PITPNC1: variants seen among roughly 807,000 people sequenced by gnomAD.
PITPNC1 encodes the protein phosphatidylinositol transfer protein cytoplasmic 1.
A neutral mutation model predicts 44.7 loss-of-function variants in PITPNC1; 18 were observed. That is an observed-to-expected ratio of 0.40 (90% confidence interval 0.28 to 0.60). The LOEUF (loss-of-function observed/expected upper bound fraction) is 0.60, where lower values mean the gene tolerates loss of function less well. Ranked by LOEUF, PITPNC1 falls within the 20% of genes least tolerant of loss-of-function variation. The pLI, the probability that PITPNC1 is intolerant of heterozygous loss-of-function variation, is 0.39. For synonymous variants in PITPNC1, 141 were observed against 149.6 expected (o/e 0.94, Z 0.42); for missense variants, 290 against 418.4 (o/e 0.69, Z 2.68).
intron 5 of PITPNC1, among the ~76,000 whole-genome samples, chr17:67,606,376 AC>A (rs2041608242): frequency 6.6e-6 from 1 of 152,094 alleles, no homozygotes; most frequent in African/African-American, 2.4e-5. Context: ...CCCTTTTTTT[AC>A]CCAGACCCAA....
Position 67,508,827 on chromosome 17 carries a change from A to G in PITPNC1, c.49-23975A>G, listed in dbSNP as rs148139762. 3.9e-4 allele frequency among the ~76,000 whole-genome samples: 60 copies of G among 152,340 alleles called. No homozygotes were observed. The highest frequency in any genetic ancestry group is 1.3e-3 in the African/African-American group (56 of 41,582). On this transcript the variant is annotated intron_variant, in intron 1 of 8. Coordinates refer to ENST00000581322, the MANE Select transcript of PITPNC1 (RefSeq NM_012417.4). The surrounding 1 kb of genome is among the most constrained non-coding windows in gnomAD (Gnocchi z 4.2). ...GTAGAGTTTCAGTTTGTGGTGACGG[A>G]ACGTTCTAGTGATGGCTGCACAACA...
chr17:67,444,955 AAC>A (rs1201563053), intron 1 of PITPNC1, among the ~76,000 whole-genome samples: 4 of 151,944 alleles, frequency 2.6e-5, no homozygotes, highest in Non-Finnish European at 4.4e-5. Flanking sequence ...AGGAGGGAGG[AAC>A]ACAGAGTGAT....
chr17:67,460,806 G>A (rs1257541422), intron 1 of PITPNC1, among the ~76,000 whole-genome samples: 1 of 142,782 alleles, frequency 7.0e-6, no homozygotes, highest in South Asian at 2.3e-4. Flanking sequence ...ATGCAGCGGC[G>A]CGACGGTGGC....
chr17:67,470,540 T>C (rs143864911), intron 1 of PITPNC1, among the ~76,000 whole-genome samples: 13 of 152,282 alleles, frequency 8.5e-5, no homozygotes, highest in African/African-American at 3.1e-4. Context: ...CACAATGTTT[T>C]TGAAATTCAT....
chr17:67,574,442 A>T lies in PITPNC1; in HGVS notation c.295-3744A>T, dbSNP rs16960992. ...TCATGTCCTCATTAAACTATGACTC[A>T]AAGTGATCAGCTGCAAGGGAGAGGG... On this transcript the variant is annotated intron_variant, in intron 4 of 8. Coordinates refer to ENST00000581322, the MANE Select transcript of PITPNC1 (RefSeq NM_012417.4). Among the ~76,000 whole-genome samples, 571 of 152,322 alleles carry T rather than the reference A, an allele frequency of 3.7e-3. 6 individuals carry two copies. The highest frequency in any genetic ancestry group is 0.013 in the African/African-American group (551 of 41,550).
chr17:67,576,968 T>C (rs2041157791), intron 4 of PITPNC1, among the ~76,000 whole-genome samples: 3 of 152,196 alleles, frequency 2.0e-5, no homozygotes, highest in Non-Finnish European at 2.9e-5. Flanking sequence ...GTTAAATGAC[T>C]TATCCAAATT....
At chr17:67,463,557 T>C (rs2039377054) in intron 1 of PITPNC1, among the ~76,000 whole-genome samples, 1 of 152,170 alleles carries the variant, frequency 6.6e-6, no homozygotes, top group Non-Finnish European at 1.5e-5. Context: ...ATCGCTGATA[T>C]CAGGAGAAGC....
At chr17:67,596,749 G>A (rs1284496952) in intron 5 of PITPNC1, among the ~76,000 whole-genome samples, 1 of 152,134 alleles carries the variant, frequency 6.6e-6, no homozygotes, top group African/African-American at 2.4e-5. Flanking sequence ...AAAATGTAAA[G>A]TCATCTGATT....
intron 1 of PITPNC1, among the ~76,000 whole-genome samples, chr17:67,481,637 C>T (rs2039703304): frequency 6.6e-6 from 1 of 151,974 alleles, no homozygotes. Flanking sequence ...TGCCCAGCTG[C>T]TACTAAATTT....
intron 6 of PITPNC1, among the ~76,000 whole-genome samples, chr17:67,666,881 G>A (rs939247900): frequency 4.6e-5 from 7 of 152,320 alleles, no homozygotes; most frequent in Admixed American, 1.3e-4. Flanking sequence ...TGGCCTTGGC[G>A]GAGCCACGGC....
chr17:67,615,049 A>T (rs1381653420), intron 5 of PITPNC1, among the ~76,000 whole-genome samples: 1 of 152,014 alleles, frequency 6.6e-6, no homozygotes, highest in Admixed American at 6.5e-5. Flanking sequence ...CCCTCCCCAC[A>T]TGCTAGCCCC....
In PITPNC1 at chr17:67,435,593, C is replaced by A. The variant is rs969036037; in HGVS notation, c.48+57391C>A. On this transcript the variant is annotated intron_variant, in intron 1 of 8. Coordinates refer to ENST00000581322, the MANE Select transcript of PITPNC1 (RefSeq NM_012417.4). ...TTCAGGCCAGGTGCGGTGGCCTACA[C>A]CTGTAATCTCAGCACTTTGGTAGGC... Among the ~76,000 whole-genome samples, 25 of 152,198 alleles carry A rather than the reference C, an allele frequency of 1.6e-4. 1 individual carries two copies. The highest frequency in any genetic ancestry group is 5.5e-4 in the African/African-American group (23 of 41,450).
intron 5 of PITPNC1, among the ~76,000 whole-genome samples, chr17:67,609,816 C>G (rs775297255): frequency 6.6e-6 from 1 of 151,164 alleles, no homozygotes; most frequent in Non-Finnish European, 1.5e-5. Flanking sequence ...TCCCTTGGAT[C>G]CAGGTTTGCT....
intron 5 of PITPNC1, among the ~76,000 whole-genome samples, chr17:67,598,164 G>C (rs1032426336): frequency 3.3e-5 from 5 of 152,166 alleles, no homozygotes; most frequent in African/African-American, 1.2e-4. Flanking sequence ...GGAGGTTGCA[G>C]TGAGCCAAGA....
chr17:67,607,731 CTT>C (rs1212042100), intron 5 of PITPNC1, among the ~76,000 whole-genome samples: 14 of 140,598 alleles, frequency 1.0e-4, no homozygotes, highest in Admixed American at 1.4e-4. Context: ...TTTTTTCTTT[CTT>C]TTTTTTTTTT....
intron 6 of PITPNC1, among the ~76,000 whole-genome samples, chr17:67,658,472 T>C (rs939854174): frequency 1.3e-5 from 2 of 152,172 alleles, no homozygotes; most frequent in African/African-American, 4.8e-5. Flanking sequence ...TAGGGGACTT[T>C]CCCACTTTGG....
intron 6 of PITPNC1, among the ~76,000 whole-genome samples, chr17:67,633,553 T>C (rs1463053904): frequency 6.6e-6 from 1 of 152,182 alleles, no homozygotes; most frequent in Non-Finnish European, 1.5e-5. Context: ...AGGGTGAGCG[T>C]TTTAACATCA....
intron 1 of PITPNC1, among the ~76,000 whole-genome samples, chr17:67,463,992 G>A (rs889134483): frequency 7.2e-5 from 11 of 152,028 alleles, no homozygotes; most frequent in Admixed American, 3.3e-4. Context: ...TCAAGAGTTC[G>A]AGACCAGTCT....
intron 6 of PITPNC1, among the ~76,000 whole-genome samples, chr17:67,634,785 C>G (rs2042013757): frequency 6.6e-6 from 1 of 152,020 alleles, no homozygotes; most frequent in Admixed American, 6.6e-5. Context: ...GGGCGCAGTG[C>G]CTCACGCCTG....
Sources: gnomAD v4.1 joint callset for allele counts (sites outside exome capture counted in the v4.1 genomes callset) on GRCh38, gnomAD v4.1.1 for gene constraint, Gnocchi (gnomAD v3.1) non-coding constraint, MANE v1.5 for transcripts, NCBI Gene and HGNC (gene_info 2026-07-23, HGNC 2026-07-21) for gene names.